The following CNOT2 variants were observed in gnomAD, a reference collection of about 807,000 sequenced individuals.
CNOT2 encodes CCR4-NOT transcription complex subunit 2, also known as CC chemokine receptor 4-negative regulator of transcription 2.
CNOT2 carries 7 observed loss-of-function variants against 72.1 expected under a neutral mutation model. The ratio of observed to expected loss-of-function variants is 0.10; its 90% CI spans 0.06 to 0.18. The LOEUF (loss-of-function observed/expected upper bound fraction) is 0.18. Ranked by LOEUF, CNOT2 falls within the 10% of genes least tolerant of loss-of-function variation. The pLI is 1.00. For synonymous variants in CNOT2, 196 were observed against 225.6 expected (o/e 0.87, Z 1.17); for missense variants, 345 against 660.3 (o/e 0.52, Z 5.23).
intron 11 of CNOT2, among the ~76,000 whole-genome samples, chr12:70,339,259 C>T (rs574925757): frequency 2.6e-5 from 4 of 151,858 alleles, no homozygotes; most frequent in Non-Finnish European, 5.9e-5. Context: ...AATCTGAGCT[C>T]GCATGCTTTC....
chr12:70,278,301 T>A, intron 2 of CNOT2, 27 bp downstream of exon 2: 1 of 1,518,240 alleles, frequency 6.6e-7, no homozygotes, highest in South Asian at 1.1e-5. Flanking sequence ...TTCTTTTTTC[T>A]CTATTGGTCT....
chr12:70,305,300 G>T (rs981976930), intron 2 of CNOT2, among the ~76,000 whole-genome samples: 2 of 152,150 alleles, frequency 1.3e-5, no homozygotes, highest in Admixed American at 1.3e-4. Context: ...TTCCTATTCG[G>T]CCATCTTGGC....
intron 2 of CNOT2, chr12:70,297,767 T>G: frequency 2.7e-6 from 1 of 369,270 alleles, no homozygotes; most frequent in South Asian, 1.9e-5. Flanking sequence ...AGACGTGGTC[T>G]CACTCTGTCA....
At chr12:70,293,201 C>A (rs1333045713) in intron 2 of CNOT2, among the ~76,000 whole-genome samples, 1 of 148,802 alleles carries the variant, frequency 6.7e-6, no homozygotes, top group African/African-American at 2.5e-5. Flanking sequence ...GCTCTTATCA[C>A]CCAGGCTGGA....
At chr12:70,353,183 C>G (rs573872545) in intron 15 of CNOT2, among the ~76,000 whole-genome samples, 2 of 151,802 alleles carry the variant, frequency 1.3e-5, no homozygotes, top group African/African-American at 4.8e-5. Flanking sequence ...AGCGATTCTC[C>G]TGCCTCAGCC....
chr12:70,282,054 A>G (rs1869958646), intron 2 of CNOT2, among the ~76,000 whole-genome samples: 1 of 152,108 alleles, frequency 6.6e-6, no homozygotes, highest in Admixed American at 6.5e-5. Flanking sequence ...TTATTTTGGT[A>G]CTGCCAATAC....
chr12:70,334,518 G>T (rs1261125045), intron 7 of CNOT2: 1 of 152,006 alleles, frequency 6.6e-6, no homozygotes, highest in Non-Finnish European at 1.5e-5. Flanking sequence ...AATTAATTGG[G>T]AAGTGGCAAA....
chr12:70,289,857 T>C (rs554107166), intron 2 of CNOT2, among the ~76,000 whole-genome samples: 1 of 152,240 alleles, frequency 6.6e-6, no homozygotes, highest in South Asian at 2.1e-4. Flanking sequence ...TTATCTGTTC[T>C]CTTTTAGGGC....
chr12:70,296,765 C>G (rs996232279), intron 2 of CNOT2, among the ~76,000 whole-genome samples: 2 of 148,742 alleles, frequency 1.3e-5, no homozygotes, highest in African/African-American at 2.4e-5. Flanking sequence ...AAGCCCCCCC[C>G]CCTTTTTAAA....
chr12:70,299,647 A>G (rs1469269073), intron 2 of CNOT2, among the ~76,000 whole-genome samples: 1 of 152,106 alleles, frequency 6.6e-6, no homozygotes, highest in Non-Finnish European at 1.5e-5. Context: ...GGTTGGTTCC[A>G]AGTCTTTGCT....
chr12:70,248,116 TGAA>T (rs1308194725), intron 1 of CNOT2, among the ~76,000 whole-genome samples: 1 of 152,198 alleles, frequency 6.6e-6, no homozygotes, highest in Non-Finnish European at 1.5e-5. Context: ...GGCTATTATG[TGAA>T]GGAGATATTT....
At chr12:70,331,143 A>G (rs998557232) in intron 6 of CNOT2, 1 of 149,250 alleles carries the variant, frequency 6.7e-6, no homozygotes, top group African/African-American at 2.4e-5. Context: ...TTGATTGCCT[A>G]CATGTATATA....
At chr12:70,280,066 ATG>A (rs1339854241) in intron 2 of CNOT2, among the ~76,000 whole-genome samples, 1 of 152,192 alleles carries the variant, frequency 6.6e-6, no homozygotes, top group African/African-American at 2.4e-5. Context: ...CTATATAAGA[ATG>A]TATGGGAAAT....
At chr12:70,253,430 C>G (rs777528068) in intron 1 of CNOT2, among the ~76,000 whole-genome samples, 3 of 152,146 alleles carry the variant, frequency 2.0e-5, no homozygotes, top group Non-Finnish European at 4.4e-5. Context: ...TTGCAAAAAT[C>G]CTGGAAGTTC....
chr12:70,278,055 CATATT>C (rs769036363), intron 1 of CNOT2, 72 bp from the exon 2 acceptor site: 45 of 512,182 alleles, frequency 8.8e-5, no homozygotes, highest in Non-Finnish European at 1.3e-4. Flanking sequence ...TTCTGTGTAT[CATATT>C]GAATATTTTT....
intron 1 of CNOT2, among the ~76,000 whole-genome samples, chr12:70,263,435 C>G (rs548036069): frequency 6.6e-6 from 1 of 152,098 alleles, no homozygotes; most frequent in South Asian, 2.1e-4. Flanking sequence ...AATCTGTTGT[C>G]AAATTTACAT....
At chr12:70,300,332 C>G (rs1873694755) in intron 2 of CNOT2, among the ~76,000 whole-genome samples, 1 of 152,132 alleles carries the variant, frequency 6.6e-6, no homozygotes, top group Non-Finnish European at 1.5e-5. Flanking sequence ...AGGTTTTCTT[C>G]TAGAGTTTTT....
intron 7 of CNOT2, chr12:70,334,642 A>G (rs1880418241): frequency 6.6e-6 from 1 of 152,146 alleles, no homozygotes; most frequent in African/African-American, 2.4e-5. Flanking sequence ...TAAAAAGTTA[A>G]GAAATTGAGA....
intron 15 of CNOT2, among the ~76,000 whole-genome samples, chr12:70,350,765 G>T (rs1432030860): frequency 6.6e-6 from 1 of 152,114 alleles, no homozygotes; most frequent in Non-Finnish European, 1.5e-5. Flanking sequence ...CATTTTATAT[G>T]TATAAATATT....
Sources: gnomAD v4.1 joint callset for allele counts (sites outside exome capture counted in the v4.1 genomes callset) on GRCh38, gnomAD v4.1.1 for gene constraint, MANE v1.5 for transcripts, NCBI Gene and HGNC (gene_info 2026-07-23, HGNC 2026-07-21) for gene names.